GNAL: variants seen among roughly 807,000 people sequenced by gnomAD.
GNAL encodes the protein G protein subunit alpha L.
In GNAL, 18 loss-of-function variants were observed where a neutral mutation model predicts 55.1. The observed-to-expected ratio is 0.33, with a 90% CI of 0.23 to 0.48. GNAL has a LOEUF of 0.48. GNAL is among the 20% of genes least tolerant of loss of function. The pLI, the probability that GNAL is intolerant of heterozygous loss-of-function variation, is 0.99. For synonymous variants in GNAL, 253 were observed against 237.0 expected (o/e 1.07, Z -0.62); for missense variants, 412 against 614.1 (o/e 0.67, Z 3.48).
intron 4 of GNAL, among the ~76,000 whole-genome samples, chr18:11,771,936 G>A (rs1008015696): frequency 2.0e-5 from 3 of 151,964 alleles, no homozygotes; most frequent in East Asian, 3.9e-4. Context: ...GGCCAGCCTG[G>A]TCTCGAACTC....
At chr18:11,841,686 T>G (rs2035618578) in intron 5 of GNAL, among the ~76,000 whole-genome samples, 1 of 151,308 alleles carries the variant, frequency 6.6e-6, no homozygotes, top group African/African-American at 2.4e-5. Flanking sequence ...AAATACCTGC[T>G]AGAATTCCTC....
intron 4 of GNAL, among the ~76,000 whole-genome samples, chr18:11,785,669 C>CT (rs954130372): frequency 1.2e-4 from 18 of 151,324 alleles, no homozygotes; most frequent in Admixed American, 4.0e-4. Flanking sequence ...AATTGCCTTG[C>CT]TTTTTTTTTC....
intron 1 of GNAL, among the ~76,000 whole-genome samples, chr18:11,704,056 A>G (rs1349737581): frequency 6.6e-6 from 1 of 152,236 alleles, no homozygotes; most frequent in East Asian, 1.9e-4. Context: ...GTTTAGGAAC[A>G]CAGAGGATGG....
intron 1 of GNAL, among the ~76,000 whole-genome samples, chr18:11,690,604 C>T (rs71350456): frequency 0.18 from 19,789 of 108,232 alleles, 2,949 homozygotes; most frequent in African/African-American, 0.42. Flanking sequence ...AGCTATCCCT[C>T]CCCCCTCCCC....
intron 1 of GNAL, among the ~76,000 whole-genome samples, chr18:11,701,865 A>G (rs1567990889): frequency 6.6e-6 from 1 of 152,186 alleles, no homozygotes; most frequent in Non-Finnish European, 1.5e-5. Flanking sequence ...CCACAAGTCA[A>G]TATTAGGAGC....
chr18:11,812,637 A>G (rs1318231269), intron 4 of GNAL, among the ~76,000 whole-genome samples: 8 of 152,126 alleles, frequency 5.3e-5, no homozygotes, highest in Non-Finnish European at 1.5e-5. Flanking sequence ...TGAGGTCAGG[A>G]GTTCAAGACC....
intron 4 of GNAL, among the ~76,000 whole-genome samples, chr18:11,821,001 C>T (rs1786568): frequency 6.6e-6 from 1 of 152,066 alleles, no homozygotes. Context: ...CCTAGAGTTT[C>T]GTCTCCTATA....
intron 1 of GNAL, among the ~76,000 whole-genome samples, chr18:11,729,825 C>A (rs1047551860): frequency 1.3e-5 from 2 of 152,116 alleles, no homozygotes; most frequent in African/African-American, 2.4e-5. Flanking sequence ...GATTAAGTCG[C>A]CCCGAGGCAG....
intron 4 of GNAL, among the ~76,000 whole-genome samples, chr18:11,777,186 T>G (rs1375882669): frequency 6.6e-6 from 1 of 152,230 alleles, no homozygotes; most frequent in Non-Finnish European, 1.5e-5. Context: ...CAGCACATCA[T>G]TGGTAGAACC....
chr18:11,807,161 A>C (rs2143544842), intron 4 of GNAL, among the ~76,000 whole-genome samples: 1 of 151,902 alleles, frequency 6.6e-6, no homozygotes, highest in African/African-American at 2.4e-5. Context: ...TCTGTCTCAA[A>C]AAAAAAAAAG....
intron 5 of GNAL, among the ~76,000 whole-genome samples, chr18:11,826,214 C>T (rs1268490918): frequency 6.6e-6 from 1 of 151,372 alleles, no homozygotes; most frequent in East Asian, 2.0e-4. Context: ...GAGCCAGGCT[C>T]CAAGGGGCCC....
intron 5 of GNAL, among the ~76,000 whole-genome samples, chr18:11,829,764 C>T (rs1044978471): frequency 3.9e-5 from 6 of 152,214 alleles, no homozygotes; most frequent in Non-Finnish European, 7.3e-5. Flanking sequence ...AATCCCAGCA[C>T]TTTGGGAGGC....
At chr18:11,813,070 A>G (rs1035712974) in intron 4 of GNAL, among the ~76,000 whole-genome samples, 5 of 152,098 alleles carry the variant, frequency 3.3e-5, no homozygotes, top group African/African-American at 1.2e-4. Flanking sequence ...CCTGGCCAAC[A>G]TGCTGAAACC....
At chr18:11,791,007 C>G (rs1417072849) in intron 4 of GNAL, among the ~76,000 whole-genome samples, 1 of 138,840 alleles carries the variant, frequency 7.2e-6, no homozygotes, top group East Asian at 2.2e-4. Context: ...TTAAGAAAAA[C>G]CAGAAACTAC....
chr18:11,822,130 C>A lies in GNAL; in HGVS notation c.625-2788C>A, dbSNP rs374973451. ...GGGCGGCTCCGGAGAGGCCCAGGGG[C>A]TTAGCGCGCCTGGCTTTCCACAGCC... On this transcript the variant is annotated intron_variant, in intron 4 of 11. Transcript: ENST00000334049. Among the ~76,000 whole-genome samples, 4 of 152,302 alleles carry A rather than the reference C, an allele frequency of 2.6e-5. No individual in the cohort carries two copies. The East Asian group carries it at 7.7e-4, about 30-fold the overall frequency.
rs1196162822 is a variant in GNAL, at chr18:11,769,199, T to G, written c.624+15254T>G. On this transcript the variant is annotated intron_variant, in intron 4 of 11. Coordinates refer to ENST00000334049, the MANE Select transcript of GNAL (RefSeq NM_182978.4). ...TATAATATAGATTATATAAATTATA[T>G]ATAATATATATAATGTGTAATATAA... 2.6e-5 allele frequency among the ~76,000 whole-genome samples: 3 copies of G among 117,104 alleles called. 1 individual carries two copies. Among genetic ancestry groups the G allele is most frequent in the Non-Finnish European group, 1.9e-5 (1 of 52,408 alleles). 76.8% of individuals were successfully genotyped at this position (117,104 alleles called of 152,430 possible). A position where few individuals can be genotyped will look rare whatever the true frequency, so the allele number is the denominator to read the frequency against.
chr18:11,761,690 C>T (rs2033249032), intron 4 of GNAL, among the ~76,000 whole-genome samples: 1 of 152,172 alleles, frequency 6.6e-6, no homozygotes, highest in East Asian at 1.9e-4. Flanking sequence ...AGTTTTGCTG[C>T]AAGTTCCAAT....
chr18:11,746,764 C>T, intron 1 of GNAL: 2 of 357,450 alleles, frequency 5.6e-6, no homozygotes, highest in East Asian at 6.7e-5. Context: ...GTGCAAAATA[C>T]ACTCCCCAGA....
chr18:11,870,901 C>T (rs992656020), intron 9 of GNAL, among the ~76,000 whole-genome samples: 3 of 152,084 alleles, frequency 2.0e-5, no homozygotes, highest in Non-Finnish European at 4.4e-5. Context: ...AGGAAAGAAA[C>T]AGGGTCAGGA....
Sources: allele counts gnomAD v4.1 joint callset (sites outside exome capture counted in the v4.1 genomes callset), GRCh38; gene constraint gnomAD v4.1.1; transcripts MANE v1.5; gene names NCBI Gene and HGNC (gene_info 2026-07-23, HGNC 2026-07-21).